KRT6C: variants seen among roughly 807,000 people sequenced by gnomAD.
KRT6C encodes keratin, type II cytoskeletal 6C.
In KRT6C, 46 loss-of-function variants were observed where a neutral mutation model predicts 49.4. The observed-to-expected ratio is 0.93, with a 90% CI of 0.74 to 1.19. The LOEUF is 1.19. Ranked by LOEUF, KRT6C falls within the 50% of genes most tolerant of loss-of-function variation. The pLI, the probability that KRT6C is intolerant of heterozygous loss-of-function variation, is 0.00. For missense variants in KRT6C, 552 were observed against 737.5 expected (o/e 0.75, Z 2.91); for synonymous variants, 236 against 297.1 (o/e 0.79, Z 2.12).
At chr12:52,470,014 C>A in intron 6 of KRT6C, 124 bp from the exon 7 acceptor site, 1 of 1,114,994 alleles carries the variant, frequency 9.0e-7, no homozygotes, top group Non-Finnish European at 1.3e-6. Context: ...CTCTTCCTGT[C>A]CAGTATTTCT....
At position 52,471,079 on chromosome 12, in the gene KRT6C, G is replaced by A. The variant is rs1293021013; in HGVS notation, c.1077+53C>T. 4 of 1,613,934 alleles carry A rather than the reference G, an allele frequency of 2.5e-6. No homozygotes were observed. The African/African-American group carries it at 5.3e-5, about 22-fold the overall frequency. ...CCCCAGTGAAGTCTGCAGTCCTCTGGTATTCCAGGATGGACACAAGGATTC... is the reference window on the plus strand; with the variant it reads ...CCCCAGTGAAGTCTGCAGTCCTCTGATATTCCAGGATGGACACAAGGATTC... On this transcript the variant is annotated intron_variant, in intron 5 of 8. Coordinates refer to ENST00000252250, the MANE Select transcript of KRT6C (RefSeq NM_173086.5).
chr12:52,469,370 G>C, intron 8 of KRT6C, 41 bp downstream of exon 8: 1 of 1,614,062 alleles, frequency 6.2e-7, no homozygotes, highest in Non-Finnish European at 8.5e-7. Context: ...CCAGTCAGAA[G>C]AGTGCGAGGG....
intron 8 of KRT6C, 40 bp from the exon 9 acceptor site, chr12:52,469,337 G>A (rs1937830657): frequency 1.9e-6 from 3 of 1,614,034 alleles, no homozygotes; most frequent in Non-Finnish European, 1.7e-6. Flanking sequence ...AAGCCACGGT[G>A]AGCTCATCCT....
chr12:52,473,524 T>A lies in KRT6C; in HGVS notation c.214A>T (p.Ile72Phe). 3.3e-6 allele frequency: 5 copies of A among 1,534,330 alleles called. No homozygotes were observed. Among genetic ancestry groups the A allele is most frequent in the Non-Finnish European group, 4.5e-6 (5 of 1,122,610 alleles). Reference protein sequence around the residue: ...YGLGGSKRISIGGGSCAISGG... With the variant: ...YGLGGSKRISFGGGSCAISGG... ...CTGATGGCACAGCTGCCCCCTCCAA[T>A]GGAGATCCTCTTGGAGCCCCCCAGG... The change falls in exon 1 of 9, where the codon ATT (isoleucine) becomes TTT (phenylalanine). Residue 72 changes from isoleucine (I) to phenylalanine (F), a missense_variant. Ile to Phe is a conservative substitution (Grantham distance 21). This residue lies in a region of KRT6C where 73 missense variants were observed against 102.1 expected (regional missense o/e 0.71). Transcript: ENST00000252250.
chr12:52,471,152 C>T lies in KRT6C; in HGVS notation c.1057G>A (p.Glu353Lys). The T allele has an allele frequency of 6.2e-7, 1 of 1,614,192 alleles. No homozygotes were observed. The highest frequency in any genetic ancestry group is 1.7e-5 in the Admixed American group (1 of 60,026). The change falls in exon 5 of 9, where the codon GAG becomes AAG. Residue 353 changes from glutamate to lysine, a missense_variant. By Grantham distance (56) the Glu-to-Lys change is moderately conservative. Coordinates refer to ENST00000252250, the MANE Select transcript of KRT6C (RefSeq NM_173086.5). ...CTCACCTTGGTCTGGTACCAGGACT[C>T]AGCCTCAGCCCGGCTCCTCTGAGCA... ...EIAQRSRAEA[E>K]SWYQTKYEEL... is the part of the protein sequence containing the mutation.
chr12:52,470,390 T>C, intron 6 of KRT6C, 115 bp downstream of exon 6: 1 of 1,571,248 alleles, frequency 6.4e-7, no homozygotes, highest in Non-Finnish European at 8.7e-7. Flanking sequence ...ACTACACATG[T>C]TCCTCACCCT....
Position 52,468,871 on chromosome 12 carries a change from T to C in KRT6C, c.*191A>G. On this transcript the variant is annotated 3_prime_UTR_variant, in exon 9 of 9. Coordinates refer to ENST00000252250, the MANE Select transcript of KRT6C (RefSeq NM_173086.5). ...GATGTAAAATCAAAGGTTGATCTGA[T>C]GGTGAGCAATGGGTGCTCAGATGGG... The C allele has an allele frequency of 1.1e-5, 7 of 648,154 alleles. No individual in the cohort carries two copies. The highest frequency in any genetic ancestry group is 1.9e-5 in the Non-Finnish European group (7 of 371,110). 40.2% of individuals were successfully genotyped at this position (648,154 alleles called of 1,614,324 possible). A position where few individuals can be genotyped will look rare whatever the true frequency, so the allele number is the denominator to read the frequency against.
intron 6 of KRT6C, 50 bp downstream of exon 6, chr12:52,470,455 T>G: frequency 1.2e-6 from 2 of 1,613,926 alleles, no homozygotes; most frequent in Non-Finnish European, 1.7e-6. Flanking sequence ...GACTGCCTGA[T>G]GGGTCTAGCA....
At position 52,471,205 on chromosome 12, in the gene KRT6C, G is replaced by A; in HGVS notation, c.1004C>T (p.Ala335Val). Reference sequence around the variant, plus strand: ...CTCCTCGTATTGGGCCTTGACCTCAGCGATGATGCTGTCCAGGTCCAGGTT... The same window carrying A: ...CTCCTCGTATTGGGCCTTGACCTCAACGATGATGCTGTCCAGGTCCAGGTT... Reference protein sequence around the residue: ...NRNLDLDSIIAEVKAQYEEIA... With the variant: ...NRNLDLDSIIVEVKAQYEEIA... Residue 335 changes from alanine (A) to valine (V), a missense_variant, in exon 5 of 9, where the codon GCT (alanine) becomes GTT (valine). This residue lies in a region of KRT6C where 425 missense variants were observed against 439.4 expected (regional missense o/e 0.97). Coordinates refer to ENST00000252250, the MANE Select transcript of KRT6C (RefSeq NM_173086.5). 1 of 1,614,176 alleles carries A rather than the reference G, an allele frequency of 6.2e-7. No individual in the cohort carries two copies. The highest frequency in any genetic ancestry group is 8.5e-7 in the Non-Finnish European group (1 of 1,180,028).
Position 52,468,790 on chromosome 12 carries a change from A to G in KRT6C, c.*272T>C. ...TCAGCCTCAGAGAGAACAATTTTGG[A>G]GGCAAGAAATTAATAATTTAGTAAC... On this transcript the variant is annotated 3_prime_UTR_variant, in exon 9 of 9. Transcript: ENST00000252250. 2.0e-6 allele frequency: 1 copy of G among 509,208 alleles called. No individual in the cohort carries two copies. The highest frequency in any genetic ancestry group is 3.5e-6 in the Non-Finnish European group (1 of 284,276). 31.5% of individuals were successfully genotyped at this position (509,208 alleles called of 1,614,324 possible).
chr12:52,470,490 T>C lies in KRT6C; in HGVS notation c.1203+15A>G, dbSNP rs772194823. ...AAAAAATGATGCTTCTTTCCTCCAC[T>C]GCACCTCACTGTACCTGCTTCTTGA... On this transcript the variant is annotated intron_variant, in intron 6 of 8. Transcript: ENST00000252250. The C allele has an allele frequency of 6.2e-7, 1 of 1,614,176 alleles. No individual in the cohort carries two copies.
Position 52,471,177 on chromosome 12 carries a change from A to C in KRT6C, c.1032T>G (p.Ile344Met). 4 of 1,614,148 alleles carry C rather than the reference A, an allele frequency of 2.5e-6. No individual in the cohort carries two copies. The highest frequency in any genetic ancestry group is 3.4e-6 in the Non-Finnish European group (4 of 1,180,026). ...CAGCCTCAGCCCGGCTCCTCTGAGC[A>C]ATCTCCTCGTATTGGGCCTTGACCT... The part of the protein sequence containing the change: ...IAEVKAQYEE[I>M]AQRSRAEAES... Residue 344 changes from isoleucine to methionine, a missense_variant, in exon 5 of 9, where the codon ATT (isoleucine) becomes ATG (methionine). By Grantham distance (10) the Ile-to-Met change is conservative. Transcript: ENST00000252250.
rs775471031 is a variant in KRT6C, at chr12:52,473,161, C to G, written c.540+37G>C. 7.9e-6 allele frequency: 11 copies of G among 1,400,928 alleles called. 1 individual carries two copies. The highest frequency in any genetic ancestry group is 1.1e-5 in the Non-Finnish European group (11 of 1,004,370). 86.8% of individuals were successfully genotyped at this position (1,400,928 alleles called of 1,614,324 possible). On this transcript the variant is annotated intron_variant, in intron 1 of 8. Coordinates refer to ENST00000252250, the MANE Select transcript of KRT6C (RefSeq NM_173086.5). ...GGTGTTGCTCTTCTGGTCTGGGGAC[C>G]CTGAAGTGCCCGATGGAGGGCATGG...
At position 52,471,290 on chromosome 12, in the gene KRT6C, A is replaced by G; in HGVS notation, c.919T>C (p.Ser307Pro). Reference sequence around the variant, plus strand: ...TCTGAGATGTGGGTCTGCATCTGGGACAGCTCCTGCAGAACAGAAGGTCAT... The same window carrying G: ...TCTGAGATGTGGGTCTGCATCTGGGGCAGCTCCTGCAGAACAGAAGGTCAT... ...FLRALYDAEL[S>P]QMQTHISDTS... The change falls in exon 5 of 9, where the codon TCC (serine) becomes CCC (proline). Residue 307 changes from serine (S) to proline (P), a missense_variant. Around this residue, in one of 3 missense-constraint regions of KRT6C, gnomAD observed 425 missense variants for 439.4 expected, o/e 0.97. Coordinates refer to ENST00000252250, the MANE Select transcript of KRT6C (RefSeq NM_173086.5). The G allele has an allele frequency of 6.2e-7, 1 of 1,614,188 alleles. No homozygotes were observed. Among genetic ancestry groups the G allele is most frequent in the Non-Finnish European group, 8.5e-7 (1 of 1,180,024 alleles).
intron 6 of KRT6C, 58 bp from the exon 7 acceptor site, chr12:52,469,948 C>T (rs434339): frequency 0.34 from 547,132 of 1,596,686 alleles, 99,144 homozygotes; most frequent in East Asian, 0.55. Context: ...GGAGGCTGGC[C>T]CTTGTTTAGT....
chr12:52,473,773 G>C lies in KRT6C; in HGVS notation c.-36C>G. On this transcript the variant is annotated 5_prime_UTR_variant, in exon 1 of 9. Coordinates refer to ENST00000252250, the MANE Select transcript of KRT6C (RefSeq NM_173086.5). Reference sequence around the variant, plus strand: ...GATGAGAGGGCTGTGGCGAGCGTTGGAGGCTGGAGGCGAGAGGCAGGAGAA... The same window carrying C: ...GATGAGAGGGCTGTGGCGAGCGTTGCAGGCTGGAGGCGAGAGGCAGGAGAA... The C allele has an allele frequency of 4.3e-6, 7 of 1,614,062 alleles. No homozygotes were observed. The highest frequency in any genetic ancestry group is 5.9e-6 in the Non-Finnish European group (7 of 1,180,016).
chr12:52,471,056 C>T, intron 5 of KRT6C, 76 bp downstream of exon 5: 1 of 1,612,674 alleles, frequency 6.2e-7, no homozygotes, highest in African/African-American at 1.3e-5. Context: ...GGGGATGTCC[C>T]CAGTGAAGTC....
Position 52,469,836 on chromosome 12 carries a change from G to C in KRT6C, c.1258C>G (p.Leu420Val). Residue 420 changes from leucine (L) to valine (V), a missense_variant, in exon 7 of 9, where the codon CTC (leucine) becomes GTC (valine). Leu to Val is a conservative substitution (Grantham distance 32, BLOSUM62 1). This residue lies in a region of KRT6C where 425 missense variants were observed against 439.4 expected (regional missense o/e 0.97). Coordinates refer to ENST00000252250, the MANE Select transcript of KRT6C (RefSeq NM_173086.5). The part of the protein sequence containing the change: ...ADAEQRGEMA[L>V]KDAKNKLEGL... The stretch of plus-strand genomic sequence containing the variant: ...TCCAGCTTGTTCTTAGCATCCTTGA[G>C]TGCCATCTCCCCACGCTGCTCAGCA... 1 of 1,614,058 alleles carries C rather than the reference G, an allele frequency of 6.2e-7. No homozygotes were observed. Among genetic ancestry groups the C allele is most frequent in the Non-Finnish European group, 8.5e-7 (1 of 1,179,976 alleles).
At position 52,469,081 on chromosome 12, in the gene KRT6C, C is replaced by T. The variant is rs1937823499; in HGVS notation, c.1676G>A (p.Arg559Lys). The part of the protein sequence containing the change: ...IKYTTTSSSS[R>K]KSYKH ...AGCACTTTAGTGCTTGTAGCTCTTC[C>T]TGCTGGAGGAGGAGGTGGTGGTGTA... Residue 559 changes from arginine to lysine, a missense_variant, in exon 9 of 9, where the codon AGG becomes AAG. Arg to Lys is a conservative substitution (Grantham distance 26). Coordinates refer to ENST00000252250, the MANE Select transcript of KRT6C (RefSeq NM_173086.5). 1 of 1,613,998 alleles carries T rather than the reference C, an allele frequency of 6.2e-7. No homozygotes were observed. The highest frequency in any genetic ancestry group is 1.3e-5 in the African/African-American group (1 of 74,924).
Sources: allele counts gnomAD v4.1 joint callset, GRCh38; gene constraint gnomAD v4.1.1; regional missense constraint gnomAD v4.1.1; transcripts MANE v1.5; gene names NCBI Gene and HGNC (gene_info 2026-07-23, HGNC 2026-07-21).